BCAS3: variants seen among roughly 807,000 people sequenced by gnomAD.
BCAS3 encodes BCAS4/BCAS3 fusion.
BCAS3 carries 53 observed loss-of-function variants against 116.1 expected under a neutral mutation model. That is an observed-to-expected ratio of 0.46 (90% CI 0.37 to 0.57). The LOEUF (loss-of-function observed/expected upper bound fraction) is 0.57. Among genes scored for constraint, BCAS3 ranks in the 20% least tolerant of loss-of-function variants. The pLI, the probability that BCAS3 is intolerant of heterozygous loss-of-function variation, is 0.00. For missense variants in BCAS3, 917 were observed against 1,165.4 expected (o/e 0.79, Z 3.10); for synonymous variants, 391 against 408.2 (o/e 0.96, Z 0.51).
chr17:61,086,652 G>T, intron 22 of BCAS3: 1 of 984,246 alleles, frequency 1.0e-6, no homozygotes, highest in Non-Finnish European at 1.2e-6. Context: ...CATCTTTTGA[G>T]TAGGAAAGAA....
intron 22 of BCAS3, among the ~76,000 whole-genome samples, chr17:61,321,930 G>T (rs113500274): frequency 0.23 from 34,359 of 150,420 alleles, 4,677 homozygotes; most frequent in African/African-American, 0.39. Flanking sequence ...TTTTTTGTTT[G>T]TTTGTTTGTT....
Position 61,309,986 on chromosome 17 carries a change from T to C in BCAS3, c.2426-58341T>C, listed in dbSNP as rs2144774097. On this transcript the variant is annotated intron_variant, in intron 22 of 23. Coordinates refer to ENST00000407086, the MANE Select transcript of BCAS3 (RefSeq NM_017679.5). This position sits in a 1 kb window ranked among gnomAD's most constrained non-coding sequence, Gnocchi z 4.6. ...ACAGCATTTAGGCTACCAGGTTGTG[T>C]TTCCTTAATAGGAAGCCATATCCCA... Among the ~76,000 whole-genome samples, 1 of 152,244 alleles carries C rather than the reference T, an allele frequency of 6.6e-6. No homozygotes were observed. The highest frequency in any genetic ancestry group is 3.4e-3 in the Middle Eastern group (1 of 294).
chr17:61,092,944 C>T (rs1334433389), intron 22 of BCAS3, among the ~76,000 whole-genome samples: 3 of 118,398 alleles, frequency 2.5e-5, no homozygotes, highest in African/African-American at 9.9e-5. Context: ...CTCAGTCTGT[C>T]ACTGAGGCTG....
chr17:61,320,946 A>G (rs1053278729), intron 22 of BCAS3, among the ~76,000 whole-genome samples: 2 of 152,200 alleles, frequency 1.3e-5, no homozygotes, highest in Non-Finnish European at 2.9e-5. Flanking sequence ...ATTATCTCAG[A>G]TGAGCATTAA....
chr17:60,714,905 A>G (rs1031355307), intron 5 of BCAS3, among the ~76,000 whole-genome samples: 1 of 152,098 alleles, frequency 6.6e-6, no homozygotes, highest in Non-Finnish European at 1.5e-5. Context: ...TCAACACACC[A>G]GATGTAACAT....
chr17:60,773,202 A>G lies in BCAS3; in HGVS notation c.403+25923A>G, dbSNP rs114432576. 5.3e-3 allele frequency among the ~76,000 whole-genome samples: 801 copies of G among 151,738 alleles called. 8 individuals carry two copies. The highest frequency in any genetic ancestry group is 0.018 in the African/African-American group (755 of 41,320). On this transcript the variant is annotated intron_variant, in intron 6 of 23. Transcript: ENST00000407086. Reference sequence around the variant, plus strand: ...TGTTGTTTAAACTTGCAATTCTCTAATGACATATGATGTGGAATATCTTTA... The same window carrying G: ...TGTTGTTTAAACTTGCAATTCTCTAGTGACATATGATGTGGAATATCTTTA...
chr17:61,372,282 C>T (rs1473903232), intron 23 of BCAS3, among the ~76,000 whole-genome samples: 7 of 152,130 alleles, frequency 4.6e-5, no homozygotes, highest in Non-Finnish European at 8.8e-5. Context: ...GACGCAGAGA[C>T]GATGAATTCT....
intron 7 of BCAS3, among the ~76,000 whole-genome samples, chr17:60,816,495 G>A (rs1361046997): frequency 6.6e-6 from 1 of 151,860 alleles, no homozygotes; most frequent in African/African-American, 2.4e-5. Flanking sequence ...GGATGGTCCC[G>A]ATCTCCTGAC....
rs372715184 is a variant in BCAS3 at position 61,216,468 on chromosome 17, A to G, written c.2425+131904A>G. Among the ~76,000 whole-genome samples the G allele has an allele frequency of 3.0e-4, 45 of 152,318 alleles. No individual in the cohort carries two copies. The South Asian group carries it at 4.3e-3, about 15-fold the overall frequency. On this transcript the variant is annotated intron_variant, in intron 22 of 23. Coordinates refer to ENST00000407086, the MANE Select transcript of BCAS3 (RefSeq NM_017679.5). Reference sequence around the variant, plus strand: ...ATATCAAATTGAAACGTGTAGGATTATAGTATGTATCATTGTACCTATGAA... The same window carrying G: ...ATATCAAATTGAAACGTGTAGGATTGTAGTATGTATCATTGTACCTATGAA...
rs1308219478 is a variant in BCAS3, at chr17:61,214,274, G to A, written c.2425+129710G>A. On this transcript the variant is annotated intron_variant, in intron 22 of 23. Coordinates refer to ENST00000407086, the MANE Select transcript of BCAS3 (RefSeq NM_017679.5). This position sits in a 1 kb window ranked among gnomAD's most constrained non-coding sequence, Gnocchi z 4.4. ...CCAGCTACTTGGGAGGCCAAGGCAG[G>A]GAGAATTGTTTGAACCTGGGAGGTG... 1.3e-5 allele frequency among the ~76,000 whole-genome samples: 2 copies of A among 152,066 alleles called. No homozygotes were observed. The highest frequency in any genetic ancestry group is 2.9e-5 in the Non-Finnish European group (2 of 68,020).
intron 22 of BCAS3, among the ~76,000 whole-genome samples, chr17:61,099,015 T>A (rs1212610417): frequency 6.6e-6 from 1 of 152,088 alleles, no homozygotes; most frequent in Non-Finnish European, 1.5e-5. Flanking sequence ...TCCCAGCTAC[T>A]CAGGAGGCTG....
At chr17:60,848,116 C>T (rs1254476526) in intron 7 of BCAS3, among the ~76,000 whole-genome samples, 1 of 152,152 alleles carries the variant, frequency 6.6e-6, no homozygotes, top group Admixed American at 6.5e-5. Flanking sequence ...GTTAATTCAT[C>T]ATTAATTTAT....
intron 15 of BCAS3, among the ~76,000 whole-genome samples, chr17:61,005,344 G>T (rs1206058608): frequency 6.6e-6 from 1 of 151,918 alleles, no homozygotes; most frequent in Non-Finnish European, 1.5e-5. Context: ...GCAGCTAAAT[G>T]GAGTATTGGT....
chr17:61,295,723 C>T (rs1053403262), intron 22 of BCAS3, among the ~76,000 whole-genome samples: 9 of 151,000 alleles, frequency 6.0e-5, no homozygotes, highest in African/African-American at 1.2e-4. Flanking sequence ...GAGGCCGAGG[C>T]GGGTGGATCA....
chr17:61,211,771 G>A lies in BCAS3; in HGVS notation c.2425+127207G>A, dbSNP rs182462705. 3.3e-5 allele frequency among the ~76,000 whole-genome samples: 5 copies of A among 151,906 alleles called. No homozygotes were observed. Among genetic ancestry groups the A allele is most frequent in the Admixed American group, 6.5e-5 (1 of 15,268 alleles). On this transcript the variant is annotated intron_variant, in intron 22 of 23. Coordinates refer to ENST00000407086, the MANE Select transcript of BCAS3 (RefSeq NM_017679.5). The surrounding 1 kb of genome is among the most constrained non-coding windows in gnomAD (Gnocchi z 4.4). ...ATGAAGTGTTATGCTTCAAATAACC[G>A]CTCAACAGCTCATCTGAAGGTCCAG... is the stretch of plus-strand genomic sequence containing the variant.
At chr17:60,689,540 A>C in intron 3 of BCAS3, 146 bp from the exon 4 acceptor site, 1 of 495,860 alleles carries the variant, frequency 2.0e-6, no homozygotes, top group Non-Finnish European at 3.5e-6. Flanking sequence ...TGGGGGTAAT[A>C]ATGTTCTAAA....
intron 19 of BCAS3, among the ~76,000 whole-genome samples, chr17:61,059,319 T>C (rs909451820): frequency 2.0e-5 from 3 of 151,974 alleles, no homozygotes; most frequent in African/African-American, 7.2e-5. Flanking sequence ...CCTGACCTCA[T>C]GATCCGCCTG....
At chr17:60,931,285 TA>T (rs1421777407) in intron 13 of BCAS3, among the ~76,000 whole-genome samples, 1 of 152,128 alleles carries the variant, frequency 6.6e-6, no homozygotes, top group Non-Finnish European at 1.5e-5. Context: ...TTTTTATTTT[TA>T]TTTTTTTGAG....
intron 22 of BCAS3, among the ~76,000 whole-genome samples, chr17:61,172,751 C>T (rs1299493187): frequency 2.0e-5 from 3 of 151,712 alleles, no homozygotes; most frequent in South Asian, 4.2e-4. Flanking sequence ...TTTGGGAGGC[C>T]AAGGCGGGCG....
Sources: gnomAD v4.1 joint callset for allele counts (sites outside exome capture counted in the v4.1 genomes callset) on GRCh38, gnomAD v4.1.1 for gene constraint, Gnocchi (gnomAD v3.1) non-coding constraint, MANE v1.5 for transcripts, NCBI Gene and HGNC (gene_info 2026-07-23, HGNC 2026-07-21) for gene names.